The following CNKSR2 variants were observed in gnomAD, a reference collection of about 807,000 sequenced individuals.
The protein encoded by CNKSR2 is connector enhancer of kinase suppressor of Ras 2, also known as CNK homolog protein 2.
CNKSR2 carries 14 observed loss-of-function variants against 84.4 expected under a neutral mutation model. The observed-to-expected ratio is 0.17, with a 90% confidence interval of 0.11 to 0.26. The LOEUF (loss-of-function observed/expected upper bound fraction) is 0.26, where lower values mean the gene tolerates loss of function less well. CNKSR2 is among the 10% of genes least tolerant of loss of function. The probability of loss-of-function intolerance (pLI) is 1.00; values close to 1 mark genes in which losing one functional copy is unlikely to be tolerated. For synonymous variants in CNKSR2, 275 were observed against 277.9 expected (o/e 0.99, Z 0.10); for missense variants, 485 against 771.2 (o/e 0.63, Z 4.40).
chrX:21,551,827 T>G (rs1275073602), intron 11 of CNKSR2, among the ~76,000 whole-genome samples: 1 of 111,925 alleles, frequency 8.9e-6, no homozygotes, highest in African/African-American at 3.3e-5. Flanking sequence ...AAGCAGATAC[T>G]AGAAAATCAA....
At chrX:21,394,761 A>G (rs1282435144) in intron 1 of CNKSR2, among the ~76,000 whole-genome samples, 1 of 111,961 alleles carries the variant, frequency 8.9e-6, no homozygotes, top group Non-Finnish European at 1.9e-5. Context: ...TAAGAGTTTT[A>G]TTATAAAAGG....
At chrX:21,470,983 T>C in intron 5 of CNKSR2, 176 bp downstream of exon 5, 1 of 222,911 alleles carries the variant, frequency 4.5e-6, no homozygotes, top group African/African-American at 2.8e-5. Context: ...CATTCTATTG[T>C]ACCTAATAGG....
At chrX:21,642,169 G>T (rs764686694) in intron 20 of CNKSR2, 765 of 741,853 alleles carry the variant, frequency 1.0e-3, no homozygotes, top group Middle Eastern at 6.2e-3. Flanking sequence ...TACACAATTT[G>T]CTTTGAAACT....
intron 9 of CNKSR2, 76 bp from the exon 10 acceptor site, chrX:21,526,785 CATTGTT>C (rs1431858306): frequency 5.0e-6 from 4 of 793,369 alleles, no homozygotes; most frequent in Non-Finnish European, 7.4e-6. Context: ...AACTATGTGT[CATTGTT>C]GTTGTTGTTG....
intron 5 of CNKSR2, among the ~76,000 whole-genome samples, chrX:21,482,398 T>C (rs1054891893): frequency 2.7e-5 from 3 of 111,971 alleles, no homozygotes; most frequent in Non-Finnish European, 5.6e-5. Context: ...TAACCTCTCA[T>C]GGATCCCCGA....
At chrX:21,649,053 T>G in intron 21 of CNKSR2, 26 bp downstream of exon 21, 2 of 1,081,970 alleles carry the variant, frequency 1.8e-6, no homozygotes, top group Non-Finnish European at 2.5e-6. Flanking sequence ...GAAGGACAAA[T>G]TTCTTTGAAG....
At chrX:21,552,953 G>T (rs2092106591) in intron 11 of CNKSR2, among the ~76,000 whole-genome samples, 1 of 111,754 alleles carries the variant, frequency 8.9e-6, no homozygotes, top group Non-Finnish European at 1.9e-5. Context: ...ACAGTATACA[G>T]CCATTTAAAA....
rs762335181 is a variant in CNKSR2, at chrX:21,546,014, T to G, written c.1303+13947T>G. Among the ~76,000 whole-genome samples the G allele has an allele frequency of 8.1e-5, 9 of 111,039 alleles. 1 individual carries two copies. The highest frequency in any genetic ancestry group is 2.0e-4 in the African/African-American group (6 of 30,474). On this transcript the variant is annotated intron_variant, in intron 11 of 21. Transcript: ENST00000379510. The stretch of plus-strand genomic sequence containing the variant: ...AATTCCAAAAACCAGAATGCCTCTT[T>G]TCTTCCAGAGGATCACAACTCCTCA...
intron 8 of CNKSR2, among the ~76,000 whole-genome samples, chrX:21,512,579 A>T (rs1432377486): frequency 1.8e-5 from 2 of 111,231 alleles, no homozygotes; most frequent in Non-Finnish European, 3.8e-5. Context: ...AGAAGCAGAA[A>T]GACAGGTTAG....
intron 17 of CNKSR2, among the ~76,000 whole-genome samples, chrX:21,600,659 A>C (rs752564260): frequency 8.9e-6 from 1 of 112,334 alleles, no homozygotes; most frequent in Non-Finnish European, 1.9e-5. Flanking sequence ...ACTGAGATTT[A>C]TTTTTAACTT....
intron 19 of CNKSR2, among the ~76,000 whole-genome samples, chrX:21,607,818 A>G (rs2092526861): frequency 9.1e-6 from 1 of 109,849 alleles, no homozygotes; most frequent in African/African-American, 3.3e-5. Flanking sequence ...TAATAATAAT[A>G]ATAATAATAT....
intron 4 of CNKSR2, among the ~76,000 whole-genome samples, chrX:21,462,391 A>G (rs1350469311): frequency 8.9e-6 from 1 of 112,005 alleles, no homozygotes; most frequent in Non-Finnish European, 1.9e-5. Context: ...TATATCCTGT[A>G]TGTTTGACTA....
chrX:21,535,785 C>G (rs2091922584), intron 11 of CNKSR2, among the ~76,000 whole-genome samples: 1 of 110,698 alleles, frequency 9.0e-6, no homozygotes, highest in Non-Finnish European at 1.9e-5. Context: ...TTAGGTTTTT[C>G]TATATATAAG....
intron 20 of CNKSR2, among the ~76,000 whole-genome samples, chrX:21,640,617 C>G (rs931351450): frequency 1.8e-5 from 2 of 111,702 alleles, no homozygotes; most frequent in Non-Finnish European, 3.8e-5. Flanking sequence ...GAACAACATG[C>G]TTTCTCTATT....
chrX:21,642,373 T>C, intron 20 of CNKSR2: 3 of 753,844 alleles, frequency 4.0e-6, no homozygotes, highest in Non-Finnish European at 4.7e-6. Flanking sequence ...TATTCTTTTC[T>C]GTAAAATATT....
At chrX:21,379,579 A>G (rs766787906) in intron 1 of CNKSR2, among the ~76,000 whole-genome samples, 1 of 112,487 alleles carries the variant, frequency 8.9e-6, no homozygotes, top group East Asian at 2.8e-4. Context: ...CCTTAATGTA[A>G]CACTCATGAT....
rs185148071 is a variant in CNKSR2, at chrX:21,442,405, A to G, written c.519+1624A>G. ...TGTCAGCCTTTAAATAATTGCCATG[A>G]TGCCTTCCTTAATGGATATCAGCTT... On this transcript the variant is annotated intron_variant, in intron 4 of 21. Transcript: ENST00000379510. 1.1e-4 allele frequency among the ~76,000 whole-genome samples: 12 copies of G among 112,023 alleles called. No homozygotes were observed. The South Asian group carries it at 3.0e-3, about 28-fold the overall frequency.
intron 1 of CNKSR2, among the ~76,000 whole-genome samples, chrX:21,416,630 A>G (rs150691301): frequency 1.8e-3 from 196 of 110,864 alleles, no homozygotes; most frequent in African/African-American, 5.9e-3. Flanking sequence ...GGCCTATTCA[A>G]GTTTTGGATT....
rs577785175 is a variant in CNKSR2, at chrX:21,439,551, A to G, written c.432-1143A>G. Among the ~76,000 whole-genome samples the G allele has an allele frequency of 4.5e-5, 5 of 111,012 alleles. No homozygotes were observed. The South Asian group carries it at 1.9e-3, about 42-fold the overall frequency. ...ATAAGAACAAAATAAGTACGGAGCA[A>G]TAAGATCCTCTTAATGATAAGAGCA... On this transcript the variant is annotated intron_variant, in intron 3 of 21. Transcript: ENST00000379510.
Sources: allele counts gnomAD v4.1 joint callset (sites outside exome capture counted in the v4.1 genomes callset), GRCh38; gene constraint gnomAD v4.1.1; transcripts MANE v1.5; gene names NCBI Gene and HGNC (gene_info 2026-07-23, HGNC 2026-07-21).